Variants in PAXIP1 observed in about 807,000 individuals in gnomAD.
PAXIP1 encodes PAX-interacting protein 1.
Under a neutral mutation model 140.6 loss-of-function variants are expected in PAXIP1, and 19 were observed. That is an observed-to-expected ratio of 0.14 (90% CI 0.09 to 0.20). PAXIP1 has a LOEUF of 0.20. Among genes scored for constraint, PAXIP1 ranks in the 10% least tolerant of loss-of-function variants. The pLI is 1.00. For synonymous variants in PAXIP1, 442 were observed against 444.6 expected (o/e 0.99, Z 0.07); for missense variants, 920 against 1,208.6 (o/e 0.76, Z 3.54).
chr7:155,002,961 C>G lies in PAXIP1; in HGVS notation c.-32G>C. On this transcript the variant is annotated 5_prime_UTR_variant, in exon 1 of 21. Transcript: ENST00000404141. Reference sequence around the variant, plus strand: ...GGCGGCCCGGGAGGCTCCGCGGCGGCGCCCGGCCCCGCCCACCCCCCGCCC... The same window carrying G: ...GGCGGCCCGGGAGGCTCCGCGGCGGGGCCCGGCCCCGCCCACCCCCCGCCC... 1 of 1,012,556 alleles carries G rather than the reference C, an allele frequency of 9.9e-7. No individual in the cohort carries two copies. Among genetic ancestry groups the G allele is most frequent in the Non-Finnish European group, 1.2e-6 (1 of 816,022 alleles). The allele number at this position is 1,012,556 out of a possible 1,614,324, so 62.7% of individuals were successfully genotyped here. A position where few individuals can be genotyped will look rare whatever the true frequency, so the allele number is the denominator to read the frequency against.
intron 1 of PAXIP1, 50 bp downstream of exon 1, chr7:155,002,797 CGG>C (rs1810988281): frequency 2.9e-6 from 3 of 1,052,610 alleles, no homozygotes; most frequent in African/African-American, 1.8e-5. Flanking sequence ...GGGACGGGGA[CGG>C]ACGGGGACGC....
chr7:155,002,712 G>A lies in PAXIP1; in HGVS notation c.81+137C>T, dbSNP rs1202611099. On this transcript the variant is annotated intron_variant, in intron 1 of 20. Coordinates refer to ENST00000404141, the MANE Select transcript of PAXIP1 (RefSeq NM_007349.4). Reference sequence around the variant, plus strand: ...CGCGGTCGCCCCTGCCCTCAGCGCAGTCAGGCCAGCGGCCTCGGCGGACCC... The same window carrying A: ...CGCGGTCGCCCCTGCCCTCAGCGCAATCAGGCCAGCGGCCTCGGCGGACCC... The A allele has an allele frequency of 1.7e-4, 65 of 377,472 alleles. No homozygotes were observed. In the East Asian group the frequency reaches 4.3e-3, roughly 25 times the overall value. 23.4% of individuals were successfully genotyped at this position (377,472 alleles called of 1,614,324 possible). A position where few individuals can be genotyped will look rare whatever the true frequency, so the allele number is the denominator to read the frequency against.
intron 4 of PAXIP1, among the ~76,000 whole-genome samples, chr7:154,990,509 C>G (rs1810282128): frequency 6.6e-6 from 1 of 152,226 alleles, no homozygotes; most frequent in South Asian, 2.1e-4. Context: ...CACACTGTTA[C>G]AAATTCGATG....
intron 8 of PAXIP1, among the ~76,000 whole-genome samples, chr7:154,966,848 G>C (rs1006723518): frequency 5.9e-5 from 9 of 152,168 alleles, no homozygotes; most frequent in African/African-American, 2.2e-4. Flanking sequence ...AGACACACCA[G>C]CCCTGGCTCC....
At position 154,961,583 on chromosome 7, in the gene PAXIP1, T is replaced by G; in HGVS notation, c.2193A>C (p.Ala731=). ...ATAGATAACCCGTATATTTGGCACC[T>G]GCCAAATAAGCCATTAATTTTAGGT... ...RDDLKLMAYL[A]GAKYTGYLCR... Residue 731 remains alanine (A), a synonymous_variant, in exon 11 of 21, where the codon GCA becomes GCC. Transcript: ENST00000404141. 1.2e-6 allele frequency: 2 copies of G among 1,606,992 alleles called. No individual in the cohort carries two copies.
Position 154,973,183 on chromosome 7 carries a change from TG to T in PAXIP1, c.1074+2512del, listed in dbSNP as rs1489400579. 1.3e-5 allele frequency among the ~76,000 whole-genome samples: 2 copies of T among 152,154 alleles called. No homozygotes were observed. The highest frequency in any genetic ancestry group is 2.4e-5 in the African/African-American group (1 of 41,436). ...CAGCTCTTGGACCTCCTCATCTTGGTGGCCTTCTCCCCATTTCCTCAGCCAC... is the reference window on the plus strand; with the variant it reads ...CAGCTCTTGGACCTCCTCATCTTGGTGCCTTCTCCCCATTTCCTCAGCCAC... On this transcript the variant is annotated intron_variant, in intron 6 of 20. Coordinates refer to ENST00000404141, the MANE Select transcript of PAXIP1 (RefSeq NM_007349.4). This position sits in a 1 kb window ranked among gnomAD's most constrained non-coding sequence, Gnocchi z 4.0.
chr7:154,944,323 A>C, intron 20 of PAXIP1, 159 bp from the exon 21 acceptor site: 1 of 571,908 alleles, frequency 1.7e-6, no homozygotes, highest in Non-Finnish European at 3.1e-6. Flanking sequence ...GCATACCCAC[A>C]TCACAGGAGG....
At chr7:154,957,860 G>A (rs896158196) in intron 13 of PAXIP1, among the ~76,000 whole-genome samples, 6 of 151,354 alleles carry the variant, frequency 4.0e-5, no homozygotes, top group East Asian at 3.9e-4. Flanking sequence ...CCAGCTACTC[G>A]GGAGGCTGAG....
chr7:154,948,056 C>T, intron 16 of PAXIP1, 53 bp from the exon 17 acceptor site: 1 of 1,204,972 alleles, frequency 8.3e-7, no homozygotes, highest in South Asian at 1.2e-5. Context: ...TGAAGTGTGG[C>T]AAGTGTGACC....
rs1808011181 is a variant in PAXIP1 at position 154,946,964 on chromosome 7, T to G, written c.2923-151A>C. The G allele has an allele frequency of 1.8e-6, 1 of 564,446 alleles. No homozygotes were observed. The highest frequency in any genetic ancestry group is 3.3e-5 in the Admixed American group (1 of 30,494). The allele number at this position is 564,446 out of a possible 1,614,324, so 35.0% of individuals were successfully genotyped here. ...ACTATTCTCCTACTAGCACTCAATC[T>G]GAAGTGGAAGAGGAATCCAGCTATG... On this transcript the variant is annotated intron_variant, in intron 17 of 20. Transcript: ENST00000404141. The surrounding 1 kb of genome is among the most constrained non-coding windows in gnomAD (Gnocchi z 4.9).
At position 154,962,302 on chromosome 7, in the gene PAXIP1, C is replaced by T. The variant is rs755479539; in HGVS notation, c.2127+19G>A. On this transcript the variant is annotated intron_variant, in intron 10 of 20. Transcript: ENST00000404141. ...TCGAAGGATGATTTAACAAATGGAACGCGAGGACTCTGTCTTACATGCTGT... is the reference window on the plus strand; with the variant it reads ...TCGAAGGATGATTTAACAAATGGAATGCGAGGACTCTGTCTTACATGCTGT... 1.2e-5 allele frequency: 20 copies of T among 1,610,918 alleles called. No homozygotes were observed. The highest frequency in any genetic ancestry group is 6.7e-5 in the East Asian group (3 of 44,832).
chr7:155,003,026 A>T lies in PAXIP1; in HGVS notation c.-97T>A. 3.6e-6 allele frequency: 1 copy of T among 274,076 alleles called. No individual in the cohort carries two copies. The highest frequency in any genetic ancestry group is 4.4e-6 in the Non-Finnish European group (1 of 229,312). The allele number at this position is 274,076 out of a possible 1,614,324, so 17.0% of individuals were successfully genotyped here. On this transcript the variant is annotated 5_prime_UTR_variant, in exon 1 of 21. Coordinates refer to ENST00000404141, the MANE Select transcript of PAXIP1 (RefSeq NM_007349.4). ...GCCCGGCGCCCCCACTCGCCCCGCC[A>T]ACGGCCCTGCCCGCGCAGCCCGGGC...
At chr7:154,966,641 A>T (rs1311204355) in intron 8 of PAXIP1, among the ~76,000 whole-genome samples, 1 of 152,208 alleles carries the variant, frequency 6.6e-6, no homozygotes, top group Non-Finnish European at 1.5e-5. Flanking sequence ...CTTTTAAAAA[A>T]TCTCTGCTGC....
chr7:154,963,750 C>T lies in PAXIP1; in HGVS notation c.1910G>A (p.Gly637Asp). 1 of 1,612,882 alleles carries T rather than the reference C, an allele frequency of 6.2e-7. No homozygotes were observed. The highest frequency in any genetic ancestry group is 8.5e-7 in the Non-Finnish European group (1 of 1,179,394). ...ATWKRIIQAH[G>D]GTVDPTFTSR... The stretch of plus-strand genomic sequence containing the variant: ...CGTGAAGGTGGGGTCAACAGTGCCG[C>T]CATGTGCCTGGATTATCTACACACA... The change falls in exon 9 of 21, where the codon GGC becomes GAC. Residue 637 changes from glycine (G) to aspartate (D), a missense_variant. Physicochemically the swap from Gly to Asp is moderately conservative, Grantham distance 94 (BLOSUM62 -1). Around this residue, in one of 5 missense-constraint regions of PAXIP1, gnomAD observed 62 missense variants for 69.0 expected, o/e 0.90. Coordinates refer to ENST00000404141, the MANE Select transcript of PAXIP1 (RefSeq NM_007349.4). This position sits in a 1 kb window ranked among gnomAD's most constrained non-coding sequence, Gnocchi z 4.1.
chr7:154,948,918 G>C (rs1808134202), intron 16 of PAXIP1: 1 of 152,014 alleles, frequency 6.6e-6, no homozygotes, highest in African/African-American at 2.4e-5. Context: ...ATTTATAAAG[G>C]ATAGTTTTAT....
chr7:154,969,601 C>T (rs1809204420), intron 6 of PAXIP1, among the ~76,000 whole-genome samples: 1 of 152,260 alleles, frequency 6.6e-6, no homozygotes, highest in Admixed American at 6.5e-5. Context: ...GGCTCAGCCT[C>T]ACCTCAAACC....
chr7:154,969,256 G>A, intron 6 of PAXIP1, 130 bp from the exon 7 acceptor site: 1 of 950,538 alleles, frequency 1.1e-6, no homozygotes, highest in Non-Finnish European at 1.5e-6. Context: ...GCAAATGATT[G>A]GAAACTGCAA....
intron 16 of PAXIP1, chr7:154,951,090 G>A (rs1026173555): frequency 6.6e-6 from 1 of 152,204 alleles, no homozygotes; most frequent in Non-Finnish European, 1.5e-5. Flanking sequence ...GACTGTTCAA[G>A]GCCAAGAGTG....
intron 2 of PAXIP1, among the ~76,000 whole-genome samples, chr7:154,994,091 C>T (rs1409602689): frequency 2.6e-5 from 4 of 152,112 alleles, no homozygotes; most frequent in East Asian, 1.9e-4. Flanking sequence ...GCCCCACCAC[C>T]GCCGACACCT....
Sources: allele counts gnomAD v4.1 joint callset (sites outside exome capture counted in the v4.1 genomes callset), GRCh38; gene constraint gnomAD v4.1.1; regional missense constraint gnomAD v4.1.1; non-coding constraint Gnocchi (gnomAD v3.1); transcripts MANE v1.5; gene names NCBI Gene and HGNC (gene_info 2026-07-23, HGNC 2026-07-21).